The following GFRA2 variants were observed in gnomAD, a reference collection of about 807,000 sequenced individuals.
GFRA2 encodes the protein GDNF family receptor alpha-2.
Under a neutral mutation model 48.3 loss-of-function variants are expected in GFRA2, and 17 were observed. The ratio of observed to expected loss-of-function variants is 0.35; its 90% CI spans 0.24 to 0.53. The LOEUF is 0.53. GFRA2 is among the 20% of genes least tolerant of loss of function. The pLI is 0.93. For synonymous variants in GFRA2, 305 were observed against 257.2 expected (o/e 1.19, Z -1.78); for missense variants, 660 against 637.3 (o/e 1.04, Z -0.38).
chr8:21,774,945 G>C, intron 3 of GFRA2, 27 bp downstream of exon 3: 2 of 1,329,000 alleles, frequency 1.5e-6, no homozygotes. Flanking sequence ...AGGAGAACGG[G>C]CCAAGTCCCA....
At chr8:21,760,271 A>G (rs1266063464) in intron 3 of GFRA2, among the ~76,000 whole-genome samples, 2 of 152,228 alleles carry the variant, frequency 1.3e-5, no homozygotes, top group Non-Finnish European at 2.9e-5. Flanking sequence ...TCACTGACAC[A>G]TGGAACTGAG....
rs1156905034 is a variant in GFRA2, at chr8:21,712,357, A to G, written c.795-6316T>C. 3.1e-3 allele frequency among the ~76,000 whole-genome samples: 461 copies of G among 147,454 alleles called. 1 individual carries two copies. The highest frequency in any genetic ancestry group is 0.011 in the African/African-American group (442 of 39,574). ...TCGCGGCCGGGCAGAGGCGCTCCTC[A>G]CATCCCAGACGGGGCGGCGGGGCAG... is the stretch of plus-strand genomic sequence containing the variant. On this transcript the variant is annotated intron_variant, in intron 4 of 8. Transcript: ENST00000524240.
intron 5 of GFRA2, among the ~76,000 whole-genome samples, chr8:21,705,663 A>G (rs749488328): frequency 3.3e-5 from 5 of 152,234 alleles, no homozygotes; most frequent in Admixed American, 6.5e-5. Flanking sequence ...TGTCAGAACC[A>G]TGCAATAAAT....
chr8:21,734,192 G>A (rs1292366660), intron 4 of GFRA2, among the ~76,000 whole-genome samples: 3 of 152,228 alleles, frequency 2.0e-5, no homozygotes, highest in Non-Finnish European at 4.4e-5. Context: ...GGAAACAGCT[G>A]GAAGAAAAGG....
intron 1 of GFRA2, among the ~76,000 whole-genome samples, chr8:21,806,135 CTTTCT>C (rs775905549): frequency 6.6e-6 from 1 of 152,254 alleles, no homozygotes; most frequent in Middle Eastern, 3.4e-3. Context: ...CCCCTTTTTG[CTTTCT>C]TTTCTTTTCA....
chr8:21,731,543 C>G lies in GFRA2; in HGVS notation c.794+19045G>C, dbSNP rs183905569. On this transcript the variant is annotated intron_variant, in intron 4 of 8. Transcript: ENST00000524240. ...CATTTGTAGGTCACTCATCTGGCAG[C>G]CTGCCAGGAATGAGGAAGTCCCCTG... is the stretch of plus-strand genomic sequence containing the variant. Among the ~76,000 whole-genome samples, 5 of 152,218 alleles carry G rather than the reference C, an allele frequency of 3.3e-5. No homozygotes were observed. The East Asian group carries it at 7.7e-4, about 24-fold the overall frequency.
chr8:21,798,691 C>T (rs2117110708), intron 2 of GFRA2, among the ~76,000 whole-genome samples: 1 of 152,278 alleles, frequency 6.6e-6, no homozygotes, highest in East Asian at 1.9e-4. Flanking sequence ...TCCAGGCAGC[C>T]CACATCCCAT....
intron 8 of GFRA2, 99 bp downstream of exon 8, chr8:21,694,365 G>C (rs529825843): frequency 8.6e-7 from 1 of 1,159,070 alleles, no homozygotes; most frequent in Admixed American, 2.0e-5. Context: ...CAGCCCATGC[G>C]ATGAGATTTG....
chr8:21,776,469 C>CTTT (rs142915155), intron 2 of GFRA2, among the ~76,000 whole-genome samples: 3 of 133,850 alleles, frequency 2.2e-5, no homozygotes, highest in African/African-American at 5.8e-5. Flanking sequence ...AGACGAGACT[C>CTTT]TTTTTTTTTT....
At chr8:21,784,352 G>T in intron 1 of GFRA2, 1 of 456,144 alleles carries the variant, frequency 2.2e-6, no homozygotes, top group Non-Finnish European at 4.4e-6. Context: ...GACCGAAAGA[G>T]TAATTTGGGA....
chr8:21,708,607 T>C (rs1425738539), intron 4 of GFRA2, among the ~76,000 whole-genome samples: 1 of 152,142 alleles, frequency 6.6e-6, no homozygotes, highest in Admixed American at 6.5e-5. Flanking sequence ...TAAGATGAGG[T>C]CACAGTGGAT....
At chr8:21,707,434 C>T (rs1250619674) in intron 4 of GFRA2, among the ~76,000 whole-genome samples, 1 of 152,206 alleles carries the variant, frequency 6.6e-6, no homozygotes, top group African/African-American at 2.4e-5. Flanking sequence ...CCGGAAGGTG[C>T]TGGTGCCTGC....
intron 7 of GFRA2, among the ~76,000 whole-genome samples, chr8:21,698,638 C>T (rs1802325968): frequency 6.6e-6 from 1 of 152,178 alleles, no homozygotes; most frequent in Non-Finnish European, 1.5e-5. Flanking sequence ...GTAACTCACA[C>T]CTCTCACACT....
At chr8:21,715,262 G>A (rs1803274038) in intron 4 of GFRA2, among the ~76,000 whole-genome samples, 1 of 152,164 alleles carries the variant, frequency 6.6e-6, no homozygotes. Context: ...CCCTGGGGTG[G>A]GCTGGGGAAG....
At chr8:21,762,156 C>T (rs1805944388) in intron 3 of GFRA2, among the ~76,000 whole-genome samples, 1 of 152,118 alleles carries the variant, frequency 6.6e-6, no homozygotes, top group Admixed American at 6.5e-5. Flanking sequence ...AGGGCTTCCT[C>T]TGCTCCATCC....
intron 4 of GFRA2, among the ~76,000 whole-genome samples, chr8:21,711,829 C>A (rs1803049967): frequency 1.3e-5 from 2 of 152,032 alleles, no homozygotes; most frequent in South Asian, 4.1e-4. Context: ...GACCCTGCGG[C>A]CTTCCGCAGT....
chr8:21,742,422 G>T (rs147155189), intron 4 of GFRA2, among the ~76,000 whole-genome samples: 11 of 152,272 alleles, frequency 7.2e-5, no homozygotes, highest in Middle Eastern at 3.4e-3. Context: ...GGGCCTTTAT[G>T]GATCAAGGTG....
chr8:21,712,413 G>GCCGC (rs1803095880), intron 4 of GFRA2, among the ~76,000 whole-genome samples: 1 of 151,862 alleles, frequency 6.6e-6, no homozygotes, highest in African/African-American at 2.4e-5. Context: ...ACGATGGGCG[G>GCCGC]CCGGGCAGAG....
rs1563252162 is a variant in GFRA2, at chr8:21,759,495, AAGGAAG to A, written c.440-8559_440-8554del. Among the ~76,000 whole-genome samples, 31 of 124,460 alleles carry A rather than the reference AAGGAAG, an allele frequency of 2.5e-4. No homozygotes were observed. In the East Asian group the frequency reaches 5.3e-3, roughly 21 times the overall value. The allele number at this position is 124,460 out of a possible 152,430, so 81.7% of individuals were successfully genotyped here. A position where few individuals can be genotyped will look rare whatever the true frequency, so the allele number is the denominator to read the frequency against. ...GAGGGAAAGAAGGAAAGAAGGAAGG[AAGGAAG>A]GAAGGAAGGAAGGAAGGAAGGAAGG... On this transcript the variant is annotated intron_variant, in intron 3 of 8. Coordinates refer to ENST00000524240, the MANE Select transcript of GFRA2 (RefSeq NM_001495.5).
Sources: allele counts gnomAD v4.1 joint callset (sites outside exome capture counted in the v4.1 genomes callset), GRCh38; gene constraint gnomAD v4.1.1; transcripts MANE v1.5; gene names NCBI Gene and HGNC (gene_info 2026-07-23, HGNC 2026-07-21).